XXYLT1: variants seen among roughly 807,000 people sequenced by gnomAD.
XXYLT1 encodes UDP-xylose:alpha-xyloside alpha-1,3-xylosyltransferase.
Under a neutral mutation model 28.9 loss-of-function variants are expected in XXYLT1, and 20 were observed. The observed-to-expected ratio is 0.69, with a 90% CI of 0.49 to 1.00. XXYLT1 has a LOEUF of 1.00. Among genes scored for constraint, XXYLT1 ranks in the 50% least tolerant of loss-of-function variants. XXYLT1 has a pLI of 0.00. For missense variants in XXYLT1, 542 were observed against 560.1 expected (o/e 0.97, Z 0.33); for synonymous variants, 257 against 253.8 (o/e 1.01, Z -0.12).
intron 2 of XXYLT1, among the ~76,000 whole-genome samples, chr3:195,157,374 C>T (rs1040520806): frequency 7.9e-5 from 12 of 151,998 alleles, no homozygotes; most frequent in Non-Finnish European, 1.6e-4. Context: ...GTGCGTTCTG[C>T]AAACCCAGAT....
intron 3 of XXYLT1, among the ~76,000 whole-genome samples, chr3:195,110,467 G>GTGTAT: frequency 7.1e-6 from 1 of 140,566 alleles, no homozygotes; most frequent in South Asian, 2.4e-4. Flanking sequence ...GTGGTGTGTG[G>GTGTAT]GTGAGGTGTG....
chr3:195,120,183 G>A (rs923755419), intron 3 of XXYLT1, among the ~76,000 whole-genome samples: 35 of 152,174 alleles, frequency 2.3e-4, no homozygotes, highest in Admixed American at 1.0e-3. Context: ...GAGCCTGGGC[G>A]TCCAGCAAAG....
chr3:195,172,887 A>C (rs1185983835), intron 2 of XXYLT1, among the ~76,000 whole-genome samples: 1 of 152,250 alleles, frequency 6.6e-6, no homozygotes, highest in Non-Finnish European at 1.5e-5. Flanking sequence ...TTCTGTTAAA[A>C]AGCGGGGAGG....
chr3:195,110,225 ATAAG>A (rs1479839097), intron 3 of XXYLT1, among the ~76,000 whole-genome samples: 1 of 29,422 alleles, frequency 3.4e-5, no homozygotes, highest in Non-Finnish European at 8.1e-5. Context: ...TGTGTGGTGT[ATAAG>A]TGTGTGGTGT....
chr3:195,270,351 T>G (rs1312835802), intron 1 of XXYLT1: 1 of 1,197,002 alleles, frequency 8.4e-7, no homozygotes, highest in Non-Finnish European at 1.1e-6. Flanking sequence ...GCAGCTCCAC[T>G]CCTCAGCACC....
chr3:195,189,944 C>A (rs1036070601), intron 2 of XXYLT1, among the ~76,000 whole-genome samples: 4 of 152,076 alleles, frequency 2.6e-5, no homozygotes, highest in Non-Finnish European at 4.4e-5. Flanking sequence ...AGAAAAAAGT[C>A]TTGAAAGCAG....
rs575408517 is a variant in XXYLT1 at position 195,081,873 on chromosome 3, G to A, written c.786-11762C>T. On this transcript the variant is annotated intron_variant, in intron 3 of 3. Transcript: ENST00000310380. ...CTGCACCCACCACCAGGGTGGGCCT[G>A]GGCAAATCACTTCCCCTGCTGGGCG... Among the ~76,000 whole-genome samples the A allele has an allele frequency of 3.9e-5, 6 of 152,272 alleles. No homozygotes were observed. The South Asian group carries it at 1.2e-3, about 32-fold the overall frequency.
At chr3:195,265,415 G>A (rs1477481219) in intron 1 of XXYLT1, among the ~76,000 whole-genome samples, 1 of 152,094 alleles carries the variant, frequency 6.6e-6, no homozygotes, top group African/African-American at 2.4e-5. Flanking sequence ...AAAGATGAAG[G>A]CTGGCATGAG....
Position 195,115,602 on chromosome 3 carries a change from A to G in XXYLT1, c.785+40847T>C, listed in dbSNP as rs1356644010. 6.6e-6 allele frequency among the ~76,000 whole-genome samples: 1 copy of G among 152,190 alleles called. No homozygotes were observed. The highest frequency in any genetic ancestry group is 2.4e-5 in the African/African-American group (1 of 41,440). On this transcript the variant is annotated intron_variant, in intron 3 of 3. Transcript: ENST00000310380. The surrounding 1 kb of genome is among the most constrained non-coding windows in gnomAD (Gnocchi z 4.2). ...CACGCGTGAAGGCCTCAGGAGCCAC[A>G]GTGGAAGTGGTTTGGAAAGCACAGC...
intron 2 of XXYLT1, among the ~76,000 whole-genome samples, chr3:195,162,059 A>G (rs1191292607): frequency 1.3e-5 from 2 of 151,686 alleles, no homozygotes; most frequent in African/African-American, 2.4e-5. Context: ...ACTGCACTCC[A>G]GCCTGGGTGA....
At chr3:195,259,769 GC>G in intron 1 of XXYLT1, 3 of 705,056 alleles carry the variant, frequency 4.3e-6, no homozygotes, top group Non-Finnish European at 3.5e-6. Flanking sequence ...CCCCACCGGC[GC>G]CAGGATACCG....
chr3:195,221,433 C>T (rs943525243), intron 2 of XXYLT1, among the ~76,000 whole-genome samples: 4 of 152,246 alleles, frequency 2.6e-5, no homozygotes, highest in Admixed American at 6.5e-5. Flanking sequence ...GTCTTGCAAA[C>T]AGTAGCGCTT....
chr3:195,130,044 G>T (rs149180007), intron 3 of XXYLT1, among the ~76,000 whole-genome samples: 369 of 152,242 alleles, frequency 2.4e-3, no homozygotes, highest in Non-Finnish European at 4.6e-3. Context: ...CTGTAGCTTT[G>T]CTTTACACTC....
intron 2 of XXYLT1, among the ~76,000 whole-genome samples, chr3:195,170,966 C>G (rs954952437): frequency 3.3e-5 from 5 of 152,168 alleles, no homozygotes; most frequent in Non-Finnish European, 7.3e-5. Flanking sequence ...TTCAGTCAAA[C>G]CTCTGTGTCC....
chr3:195,246,847 C>G (rs1487276709), intron 1 of XXYLT1, among the ~76,000 whole-genome samples: 2 of 152,274 alleles, frequency 1.3e-5, no homozygotes, highest in African/African-American at 2.4e-5. Context: ...ATCCAGCCCC[C>G]ACAGCCACAG....
chr3:195,226,722 C>T lies in XXYLT1; in HGVS notation c.639G>A (p.Gln213=). ...AGCCCAGGTTACCTTTGGGCATGAT[C>T]TGATGCATGGCGACCGAGAGGAAGA... ...SIFFLSVAMH[Q]IMPKEILQII... The change falls in exon 2 of 4, where the codon CAG becomes CAA. Residue 213 remains glutamine (Q), a synonymous_variant. Transcript: ENST00000310380. 1.2e-6 allele frequency: 2 copies of T among 1,613,284 alleles called. No homozygotes were observed. Among genetic ancestry groups the T allele is most frequent in the Non-Finnish European group, 8.5e-7 (1 of 1,179,808 alleles).
intron 2 of XXYLT1, among the ~76,000 whole-genome samples, chr3:195,218,448 G>A (rs1723671950): frequency 6.6e-6 from 1 of 151,716 alleles, no homozygotes; most frequent in African/African-American, 2.4e-5. Flanking sequence ...AATCTACAAT[G>A]AACTCAAACA....
At chr3:195,110,893 GTGT>G (rs1717668055) in intron 3 of XXYLT1, among the ~76,000 whole-genome samples, 3 of 15,450 alleles carry the variant, frequency 1.9e-4, no homozygotes, top group African/African-American at 2.1e-4. Context: ...GTGTGCGTGT[GTGT>G]GGGTGAGGTG....
intron 2 of XXYLT1, among the ~76,000 whole-genome samples, chr3:195,193,929 T>C (rs1283384976): frequency 6.6e-6 from 1 of 152,040 alleles, no homozygotes; most frequent in Non-Finnish European, 1.5e-5. Context: ...CTAAATGTAA[T>C]AGCTAAAACT....
Sources: gnomAD v4.1 joint callset for allele counts (sites outside exome capture counted in the v4.1 genomes callset) on GRCh38, gnomAD v4.1.1 for gene constraint, Gnocchi (gnomAD v3.1) non-coding constraint, MANE v1.5 for transcripts, NCBI Gene and HGNC (gene_info 2026-07-23, HGNC 2026-07-21) for gene names.